The following ARSK variants were observed in gnomAD, a reference collection of about 807,000 sequenced individuals.
The protein encoded by ARSK is arylsulfatase K.
ARSK carries 37 observed loss-of-function variants against 53.2 expected under a neutral mutation model. The ratio of observed to expected loss-of-function variants is 0.70; its 90% CI spans 0.54 to 0.92. The LOEUF (loss-of-function observed/expected upper bound fraction) is 0.92. Ranked by LOEUF, ARSK falls within the 40% of genes least tolerant of loss-of-function variation. ARSK has a pLI of 0.00. For missense variants in ARSK, 613 were observed against 643.0 expected (o/e 0.95, Z 0.51); for synonymous variants, 208 against 223.2 (o/e 0.93, Z 0.61).
chr5:95,573,628 A>G (rs746835508), intron 3 of ARSK, among the ~76,000 whole-genome samples: 5 of 152,212 alleles, frequency 3.3e-5, no homozygotes, highest in Non-Finnish European at 7.4e-5. Context: ...TTGAAAATCT[A>G]AAATCAAATT....
chr5:95,594,183 A>T (rs1445649183), intron 6 of ARSK, among the ~76,000 whole-genome samples: 6 of 152,226 alleles, frequency 3.9e-5, no homozygotes, highest in Admixed American at 2.0e-4. Context: ...TAAAACACTG[A>T]AACATTCTAT....
At chr5:95,575,083 C>T (rs1748901811) in intron 3 of ARSK, among the ~76,000 whole-genome samples, 1 of 152,136 alleles carries the variant, frequency 6.6e-6, no homozygotes, top group Admixed American at 6.5e-5. Context: ...TTTCCCAGCA[C>T]CATTTATTGA....
At chr5:95,565,243 C>T (rs566992171) in intron 1 of ARSK, among the ~76,000 whole-genome samples, 4 of 152,198 alleles carry the variant, frequency 2.6e-5, no homozygotes, top group African/African-American at 7.2e-5. Flanking sequence ...ACTCACTTAT[C>T]AAGCTGCCTA....
chr5:95,581,041 G>A, intron 3 of ARSK: 2 of 618,788 alleles, frequency 3.2e-6, no homozygotes, highest in African/African-American at 1.9e-5. Flanking sequence ...CAGCAATTAT[G>A]GGAATCATGC....
Position 95,591,450 on chromosome 5 carries a change from T to C in ARSK, c.921T>C (p.Ile307=). ...LHQLDLLQKT[I]VIYSSDHGEL... is the part of the protein sequence containing the mutation. ...AATTAGATCTTCTTCAGAAAACTAT[T>C]GTCATATACTCCTCAGACCATGGAG... is the stretch of plus-strand genomic sequence containing the variant. Residue 307 remains isoleucine, a synonymous_variant, in exon 6 of 8, where the codon ATT becomes ATC. Coordinates refer to ENST00000380009, the MANE Select transcript of ARSK (RefSeq NM_198150.3). The C allele has an allele frequency of 1.2e-6, 2 of 1,614,124 alleles. No individual in the cohort carries two copies. The highest frequency in any genetic ancestry group is 2.7e-5 in the African/African-American group (2 of 75,050).
chr5:95,597,907 G>T lies in ARSK; in HGVS notation c.1097-2940G>T, dbSNP rs929238040. Reference sequence around the variant, plus strand: ...ATACTCTGCCTCAAAAAAAAAAAGTGGGGGGCGGGTAATAGTGGCTATTTC... The same window carrying T: ...ATACTCTGCCTCAAAAAAAAAAAGTTGGGGGCGGGTAATAGTGGCTATTTC... On this transcript the variant is annotated intron_variant, in intron 6 of 7. Coordinates refer to ENST00000380009, the MANE Select transcript of ARSK (RefSeq NM_198150.3). 7.2e-4 allele frequency among the ~76,000 whole-genome samples: 83 copies of T among 115,398 alleles called. 3 individuals are homozygous for T. The highest frequency in any genetic ancestry group is 4.3e-3 in the Admixed American group (54 of 12,612). 75.7% of individuals were successfully genotyped at this position (115,398 alleles called of 152,430 possible). A position where few individuals can be genotyped will look rare whatever the true frequency, so the allele number is the denominator to read the frequency against.
At chr5:95,584,212 G>T (rs1337938275) in intron 4 of ARSK, among the ~76,000 whole-genome samples, 1 of 152,094 alleles carries the variant, frequency 6.6e-6, no homozygotes, top group Non-Finnish European at 1.5e-5. Context: ...TACATGCTTT[G>T]TTGTCTGTGC....
At chr5:95,568,163 A>T in intron 3 of ARSK, 114 bp downstream of exon 3, 1 of 1,163,230 alleles carries the variant, frequency 8.6e-7, no homozygotes, top group East Asian at 2.6e-5. Context: ...TAAATCTCTT[A>T]ATCCCTTCAT....
intron 1 of ARSK, chr5:95,556,084 G>C: frequency 1.6e-6 from 1 of 633,522 alleles, no homozygotes; most frequent in Non-Finnish European, 2.8e-6. Flanking sequence ...ACAATTGTTT[G>C]GTTATTAATT....
chr5:95,583,417 G>A (rs998651573), intron 4 of ARSK, among the ~76,000 whole-genome samples: 2 of 152,024 alleles, frequency 1.3e-5, no homozygotes, highest in Non-Finnish European at 2.9e-5. Context: ...ATTTGCTAAG[G>A]ATATGTCTAT....
Position 95,555,290 on chromosome 5 carries a change from G to A in ARSK, c.12G>A (p.Leu4=), listed in dbSNP as rs750369903. The change falls in exon 1 of 8, where the codon CTG becomes CTA. Residue 4 remains leucine, a synonymous_variant. Coordinates refer to ENST00000380009, the MANE Select transcript of ARSK (RefSeq NM_198150.3). This position sits in a 1 kb window ranked among gnomAD's most constrained non-coding sequence, Gnocchi z 4.0. ...AACCGCTACCGGCGATGCTACTGCT[G>A]TGGGTGTCGGTGGTCGCAGCCTTGG... MLL[L]WVSVVAALAL... 1.3e-5 allele frequency: 21 copies of A among 1,600,388 alleles called. No individual in the cohort carries two copies. Among genetic ancestry groups the A allele is most frequent in the Admixed American group, 1.7e-5 (1 of 59,858 alleles).
intron 1 of ARSK, among the ~76,000 whole-genome samples, chr5:95,561,707 GA>G (rs1407915275): frequency 4.6e-5 from 7 of 152,186 alleles, no homozygotes; most frequent in Non-Finnish European, 1.5e-5. Flanking sequence ...CATAGAGCCG[GA>G]AAGTAGGTTA....
At chr5:95,562,515 T>C (rs1304311497) in intron 1 of ARSK, among the ~76,000 whole-genome samples, 1 of 152,204 alleles carries the variant, frequency 6.6e-6, no homozygotes, top group Non-Finnish European at 1.5e-5. Context: ...GTTACATTCT[T>C]TTATTAGGAT....
intron 1 of ARSK, among the ~76,000 whole-genome samples, chr5:95,562,463 A>G (rs949990680): frequency 6.6e-5 from 10 of 152,324 alleles, no homozygotes; most frequent in South Asian, 6.2e-4. Context: ...GAAGAACACT[A>G]TAAGCAGTCT....
chr5:95,576,338 A>G (rs1748923495), intron 3 of ARSK, among the ~76,000 whole-genome samples: 1 of 151,266 alleles, frequency 6.6e-6, no homozygotes, highest in Admixed American at 6.6e-5. Context: ...AGCTGGAACT[A>G]TAGGTGCATG....
intron 5 of ARSK, 52 bp downstream of exon 5, chr5:95,586,785 T>C: frequency 6.9e-7 from 1 of 1,457,562 alleles, no homozygotes; most frequent in Non-Finnish European, 9.2e-7. Flanking sequence ...ATAATATTTT[T>C]CCAACAGTCT....
chr5:95,561,331 A>G (rs761317592), intron 1 of ARSK, among the ~76,000 whole-genome samples: 3 of 152,208 alleles, frequency 2.0e-5, no homozygotes, highest in Admixed American at 6.5e-5. Context: ...TCACGCAGCC[A>G]TTGGAAATCA....
chr5:95,597,990 AT>A (rs1244021332), intron 6 of ARSK, among the ~76,000 whole-genome samples: 5 of 152,114 alleles, frequency 3.3e-5, no homozygotes, highest in Admixed American at 2.0e-4. Context: ...TATGGTTATC[AT>A]TAATATGTTT....
At chr5:95,559,649 A>G (rs763216571) in intron 1 of ARSK, among the ~76,000 whole-genome samples, 1 of 152,250 alleles carries the variant, frequency 6.6e-6, no homozygotes, top group Admixed American at 6.5e-5. Context: ...CAGAAAAAGC[A>G]TTTGAGAAGA....
Sources: gnomAD v4.1 joint callset for allele counts (sites outside exome capture counted in the v4.1 genomes callset) on GRCh38, gnomAD v4.1.1 for gene constraint, Gnocchi (gnomAD v3.1) non-coding constraint, MANE v1.5 for transcripts, NCBI Gene and HGNC (gene_info 2026-07-23, HGNC 2026-07-21) for gene names.